Variants in ZEB1 observed in about 807,000 individuals in gnomAD.
ZEB1 encodes the protein zinc finger E-box binding homeobox 1.
In ZEB1, 21 loss-of-function variants were observed where a neutral mutation model predicts 84.9. That is an observed-to-expected ratio of 0.25 (90% CI 0.18 to 0.36). The LOEUF (loss-of-function observed/expected upper bound fraction) is 0.36, where lower values mean the gene tolerates loss of function less well. Among genes scored for constraint, ZEB1 ranks in the 10% least tolerant of loss-of-function variants. The pLI, the probability that ZEB1 is intolerant of heterozygous loss-of-function variation, is 1.00. For synonymous variants in ZEB1, 420 were observed against 471.1 expected (o/e 0.89, Z 1.41); for missense variants, 1,104 against 1,330.2 (o/e 0.83, Z 2.65).
At chr10:31,507,927 C>T (rs11008512) in intron 4 of ZEB1, among the ~76,000 whole-genome samples, 17,556 of 151,900 alleles carry the variant, frequency 0.12, 2,759 homozygotes, top group African/African-American at 0.35. Context: ...ACCTTGATAC[C>T]ACACATCTGG....
rs1437634374 is a variant in ZEB1 at position 31,364,065 on chromosome 10, C to T, written c.58+44773C>T. Among the ~76,000 whole-genome samples, 11 of 152,320 alleles carry T rather than the reference C, an allele frequency of 7.2e-5. No homozygotes were observed. The South Asian group carries it at 1.4e-3, about 20-fold the overall frequency. On this transcript the variant is annotated intron_variant, in intron 1 of 8. Coordinates refer to ENST00000424869, the MANE Select transcript of ZEB1 (RefSeq NM_001174096.2). The stretch of plus-strand genomic sequence containing the variant: ...AGTTGCCCATTTTGAGTGAGTTGTG[C>T]ACAGACGAAACTAAGGGTCAGAAGC...
intron 3 of ZEB1, among the ~76,000 whole-genome samples, chr10:31,500,692 T>A (rs975139155): frequency 5.3e-5 from 8 of 152,090 alleles, no homozygotes; most frequent in African/African-American, 1.7e-4. Context: ...CCTTTTCTCT[T>A]TTTTTCTTTT....
chr10:31,426,159 G>C (rs1027146692), intron 1 of ZEB1, among the ~76,000 whole-genome samples: 2 of 152,144 alleles, frequency 1.3e-5, no homozygotes, highest in Non-Finnish European at 2.9e-5. Context: ...ATGTTGTTCT[G>C]AGGATGTTCT....
At chr10:31,341,029 C>T (rs2039258568) in intron 1 of ZEB1, among the ~76,000 whole-genome samples, 4 of 152,070 alleles carry the variant, frequency 2.6e-5, no homozygotes, top group South Asian at 2.1e-4. Flanking sequence ...AGATACGAAA[C>T]CAAATCATGG....
intron 2 of ZEB1, among the ~76,000 whole-genome samples, chr10:31,464,229 T>A (rs2062124602): frequency 6.6e-6 from 1 of 151,970 alleles, no homozygotes; most frequent in African/African-American, 2.4e-5. Flanking sequence ...AACAGGTGCC[T>A]GTAGTCCCAG....
At chr10:31,512,176 A>T (rs1008426415) in intron 5 of ZEB1, among the ~76,000 whole-genome samples, 1 of 152,090 alleles carries the variant, frequency 6.6e-6, no homozygotes, top group African/African-American at 2.4e-5. Context: ...CTTGGGAAAG[A>T]GCCTACTCAC....
intron 1 of ZEB1, among the ~76,000 whole-genome samples, chr10:31,418,102 A>G (rs1057089104): frequency 6.6e-6 from 1 of 152,000 alleles, no homozygotes; most frequent in Non-Finnish European, 1.5e-5. Context: ...TACCAAATGA[A>G]ACAAAGTAAC....
In ZEB1 at chr10:31,454,784, T is replaced by C. The variant is rs186276925; in HGVS notation, c.59-6253T>C. Reference sequence around the variant, plus strand: ...AGAGGACACAACAAATGGAAAAACATTCCATGCTCATGGATAAGAAGAATC... The same window carrying C: ...AGAGGACACAACAAATGGAAAAACACTCCATGCTCATGGATAAGAAGAATC... On this transcript the variant is annotated intron_variant, in intron 1 of 8. Transcript: ENST00000424869. 1.2e-3 allele frequency among the ~76,000 whole-genome samples: 177 copies of C among 152,304 alleles called. 1 individual carries two copies. The highest frequency in any genetic ancestry group is 1.6e-3 in the Non-Finnish European group (112 of 68,022).
chr10:31,447,941 T>C (rs978735255), intron 1 of ZEB1, among the ~76,000 whole-genome samples: 31 of 152,146 alleles, frequency 2.0e-4, no homozygotes, highest in African/African-American at 7.5e-4. Flanking sequence ...CTGTATTTCC[T>C]GAATCTGAAT....
chr10:31,434,641 CACTT>C (rs1427702177), intron 1 of ZEB1, among the ~76,000 whole-genome samples: 7 of 152,096 alleles, frequency 4.6e-5, no homozygotes, highest in African/African-American at 1.7e-4. Context: ...TTTTTCATAA[CACTT>C]AATCCTTTAC....
chr10:31,494,045 ACT>A (rs1385440085), intron 2 of ZEB1, among the ~76,000 whole-genome samples: 5 of 151,938 alleles, frequency 3.3e-5, no homozygotes, highest in African/African-American at 1.2e-4. Flanking sequence ...CGAGGTAGTA[ACT>A]CTGGCTGTTT....
chr10:31,511,990 G>A (rs2070141412), intron 5 of ZEB1, among the ~76,000 whole-genome samples: 1 of 152,122 alleles, frequency 6.6e-6, no homozygotes, highest in South Asian at 2.1e-4. Flanking sequence ...CCATGAAGGA[G>A]CACTTGAAAC....
At chr10:31,398,806 C>T (rs1360654856) in intron 1 of ZEB1, among the ~76,000 whole-genome samples, 1 of 151,922 alleles carries the variant, frequency 6.6e-6, no homozygotes, top group Admixed American at 6.6e-5. Context: ...TTCTCCTACC[C>T]CTCTGGCTGC....
intron 1 of ZEB1, among the ~76,000 whole-genome samples, chr10:31,453,941 G>A (rs1220263267): frequency 1.3e-5 from 2 of 152,198 alleles, no homozygotes; most frequent in East Asian, 1.9e-4. Flanking sequence ...CCAAAACCTG[G>A]CAGAGACACA....
intron 1 of ZEB1, among the ~76,000 whole-genome samples, chr10:31,324,098 T>A (rs988588748): frequency 2.4e-4 from 36 of 151,912 alleles, no homozygotes; most frequent in Non-Finnish European, 7.4e-5. Context: ...GTTTATGAAC[T>A]CAGAAACTTT....
At chr10:31,371,038 A>T (rs1455716613) in intron 1 of ZEB1, among the ~76,000 whole-genome samples, 9 of 152,138 alleles carry the variant, frequency 5.9e-5, no homozygotes. Flanking sequence ...GACTCTTATA[A>T]TGGATGAGTA....
chr10:31,328,083 C>T (rs1299743519), intron 1 of ZEB1, among the ~76,000 whole-genome samples: 2 of 152,082 alleles, frequency 1.3e-5, no homozygotes, highest in South Asian at 4.1e-4. Context: ...ATTTTAATGT[C>T]AAAATTTTGA....
chr10:31,495,588 G>GT (rs1015756187), intron 2 of ZEB1, among the ~76,000 whole-genome samples, 188 bp from the exon 3 acceptor site: 1 of 151,640 alleles, frequency 6.6e-6, no homozygotes, highest in African/African-American at 2.4e-5. Flanking sequence ...AACTGGATTT[G>GT]TTTTTTTAAT....
chr10:31,408,363 A>G (rs1297701080), intron 1 of ZEB1, among the ~76,000 whole-genome samples: 6 of 151,638 alleles, frequency 4.0e-5, no homozygotes, highest in East Asian at 1.9e-4. Context: ...CAAGCTACCA[A>G]TGACTTTCTT....
Sources: allele counts gnomAD v4.1 joint callset (sites outside exome capture counted in the v4.1 genomes callset), GRCh38; gene constraint gnomAD v4.1.1; transcripts MANE v1.5; gene names NCBI Gene and HGNC (gene_info 2026-07-23, HGNC 2026-07-21).